KDM3B: variants seen among roughly 807,000 people sequenced by gnomAD.
The protein encoded by KDM3B is lysine-specific demethylase 3B.
KDM3B carries 10 observed loss-of-function variants against 170.0 expected under a neutral mutation model. The ratio of observed to expected loss-of-function variants is 0.06; its 90% CI spans 0.04 to 0.10. The LOEUF (loss-of-function observed/expected upper bound fraction) is 0.10, where lower values mean the gene tolerates loss of function less well. Ranked by LOEUF, KDM3B falls within the 10% of genes least tolerant of loss-of-function variation. The pLI, the probability that KDM3B is intolerant of heterozygous loss-of-function variation, is 1.00. For missense variants in KDM3B, 1,394 were observed against 2,195.2 expected, an observed-to-expected ratio of 0.64 and a Z score of 7.29; for synonymous variants, 831 against 834.8, an observed-to-expected ratio of 1.00 and a Z score of 0.08.
At chr5:138,416,389 A>T (rs1291472011) in intron 12 of KDM3B, among the ~76,000 whole-genome samples, 1 of 152,080 alleles carries the variant, frequency 6.6e-6, no homozygotes, top group Non-Finnish European at 1.5e-5. Flanking sequence ...CAGGAGTTCG[A>T]GACCAGCCTG....
intron 1 of KDM3B, among the ~76,000 whole-genome samples, chr5:138,372,444 CTG>C (rs1295315524): frequency 1.3e-5 from 2 of 152,188 alleles, no homozygotes; most frequent in Admixed American, 6.5e-5. Context: ...TACTGAATGA[CTG>C]TGAATAGTTC....
chr5:138,353,712 C>G (rs1291316658), intron 1 of KDM3B, among the ~76,000 whole-genome samples: 1 of 152,174 alleles, frequency 6.6e-6, no homozygotes, highest in East Asian at 1.9e-4. Context: ...AGCTACTCCC[C>G]CAACCTTGGG....
chr5:138,421,172 T>G (rs1450494237), intron 15 of KDM3B, among the ~76,000 whole-genome samples: 2 of 152,254 alleles, frequency 1.3e-5, no homozygotes, highest in Non-Finnish European at 2.9e-5. Context: ...TTTTGAAATG[T>G]TTCGGTCATC....
At chr5:138,433,834 G>A (rs957685084) in intron 23 of KDM3B, among the ~76,000 whole-genome samples, 2 of 152,028 alleles carry the variant, frequency 1.3e-5, no homozygotes, top group African/African-American at 4.8e-5. Context: ...TGCCTCCTGG[G>A]TTCAAGCGAT....
chr5:138,395,722 T>G (rs1013885741), intron 9 of KDM3B, among the ~76,000 whole-genome samples: 1 of 152,128 alleles, frequency 6.6e-6, no homozygotes, highest in Non-Finnish European at 1.5e-5. Context: ...GTTCAAGCGA[T>G]TCTCCTGCCT....
intron 6 of KDM3B, among the ~76,000 whole-genome samples, chr5:138,384,366 G>A (rs578175546): frequency 3.9e-4 from 59 of 152,238 alleles, no homozygotes; most frequent in African/African-American, 1.4e-3. Flanking sequence ...TTGGGAGGCC[G>A]AGGTGGGCAG....
At chr5:138,430,013 C>A in intron 21 of KDM3B, 48 bp downstream of exon 21, 1 of 1,603,512 alleles carries the variant, frequency 6.2e-7, no homozygotes, top group Non-Finnish European at 8.5e-7. Context: ...TCAAGAGTCT[C>A]GTTGCTGAGA....
chr5:138,417,544 C>T lies in KDM3B; in HGVS notation c.3369C>T (p.Asn1123=), dbSNP rs1380648358. Residue 1123 remains asparagine (N), a synonymous_variant, in exon 13 of 24, where the codon AAC becomes AAT. Coordinates refer to ENST00000314358, the MANE Select transcript of KDM3B (RefSeq NM_016604.4). ...GGGGCAAGTGGGGAATTAAAGCAAA[C>T]TGCCCTTGTATCAGTCGACAGAACA... The part of the protein sequence containing the change: ...AARGKWGIKA[N]CPCISRQNKS... 6.2e-7 allele frequency: 1 copy of T among 1,613,982 alleles called. No homozygotes were observed. The highest frequency in any genetic ancestry group is 8.5e-7 in the Non-Finnish European group (1 of 1,179,972).
chr5:138,420,618 C>G lies in KDM3B; in HGVS notation c.3716-88C>G. The stretch of plus-strand genomic sequence containing the variant: ...CAAGGGAAAGGAGAGAATCTTTCCT[C>G]CTTCCCATGTGACTGATTTTTAGGA... On this transcript the variant is annotated intron_variant, in intron 14 of 23. Transcript: ENST00000314358. 7.7e-6 allele frequency: 11 copies of G among 1,421,188 alleles called. No individual in the cohort carries two copies. In the South Asian group the frequency reaches 1.3e-4, roughly 17 times the overall value. The allele number at this position is 1,421,188 out of a possible 1,614,324, so 88.0% of individuals were successfully genotyped here.
At chr5:138,361,071 T>C (rs1425844986) in intron 1 of KDM3B, among the ~76,000 whole-genome samples, 1 of 152,156 alleles carries the variant, frequency 6.6e-6, no homozygotes, top group African/African-American at 2.4e-5. Context: ...GCATTTTCCA[T>C]TGTGATTTTC....
intron 14 of KDM3B, 71 bp downstream of exon 14, chr5:138,419,303 C>T: frequency 6.8e-7 from 1 of 1,465,006 alleles, no homozygotes. Context: ...TCTTTGAACT[C>T]ACACATTACC....
At chr5:138,361,687 CT>C (rs1028620552) in intron 1 of KDM3B, among the ~76,000 whole-genome samples, 1 of 152,146 alleles carries the variant, frequency 6.6e-6, no homozygotes, top group Non-Finnish European at 1.5e-5. Context: ...TCTTTTAATG[CT>C]GTCATCCATT....
chr5:138,370,614 A>G (rs563137096), intron 1 of KDM3B, among the ~76,000 whole-genome samples: 1 of 152,166 alleles, frequency 6.6e-6, no homozygotes, highest in Non-Finnish European at 1.5e-5. Flanking sequence ...TAATTACATC[A>G]TCTACATGTA....
chr5:138,368,030 A>AAC (rs1366233141), intron 1 of KDM3B, among the ~76,000 whole-genome samples: 1 of 151,348 alleles, frequency 6.6e-6, no homozygotes, highest in East Asian at 1.9e-4. Context: ...AAAAAAAAAA[A>AAC]ATCTCAAACT....
chr5:138,424,864 C>T (rs1300713252), intron 16 of KDM3B, among the ~76,000 whole-genome samples: 1 of 152,162 alleles, frequency 6.6e-6, no homozygotes, highest in Non-Finnish European at 1.5e-5. Context: ...CTGTATAGTT[C>T]TGTGTTCTTA....
rs576921174 is a variant in KDM3B, at chr5:138,401,948, A to G, written c.3199+1936A>G. Reference sequence around the variant, plus strand: ...TCTTTTTTTTTTGTTGTTGTTTTTAAGAAAGGGTCTCGCTTTGTCACTCAG... The same window carrying G: ...TCTTTTTTTTTTGTTGTTGTTTTTAGGAAAGGGTCTCGCTTTGTCACTCAG... On this transcript the variant is annotated intron_variant, in intron 11 of 23. Coordinates refer to ENST00000314358, the MANE Select transcript of KDM3B (RefSeq NM_016604.4). 7.3e-5 allele frequency among the ~76,000 whole-genome samples: 11 copies of G among 151,286 alleles called. 1 individual carries two copies. The East Asian group carries it at 2.1e-3, about 29-fold the overall frequency.
At chr5:138,388,156 A>G (rs1762330826) in intron 7 of KDM3B, among the ~76,000 whole-genome samples, 1 of 152,158 alleles carries the variant, frequency 6.6e-6, no homozygotes, top group Non-Finnish European at 1.5e-5. Context: ...AAAATAGACC[A>G]GGTTTTACAT....
At chr5:138,404,939 GTTAA>G (rs1398903437) in intron 11 of KDM3B, among the ~76,000 whole-genome samples, 2 of 151,770 alleles carry the variant, frequency 1.3e-5, no homozygotes, top group African/African-American at 2.4e-5. Flanking sequence ...GTTTCGCCAT[GTTAA>G]TTAATCAGGC....
At chr5:138,358,087 T>C (rs948628990) in intron 1 of KDM3B, among the ~76,000 whole-genome samples, 1 of 150,754 alleles carries the variant, frequency 6.6e-6, no homozygotes, top group Non-Finnish European at 1.5e-5. Context: ...AACCTCTGCC[T>C]CCTGGGTTCA....
Sources: gnomAD v4.1 joint callset for allele counts (sites outside exome capture counted in the v4.1 genomes callset) on GRCh38, gnomAD v4.1.1 for gene constraint, MANE v1.5 for transcripts, NCBI Gene and HGNC (gene_info 2026-07-23, HGNC 2026-07-21) for gene names.